NLGN1: variants seen among roughly 807,000 people sequenced by gnomAD.
NLGN1 encodes the protein neuroligin 1.
NLGN1 carries 12 observed loss-of-function variants against 65.5 expected under a neutral mutation model. That is an observed-to-expected ratio of 0.18 (90% CI 0.12 to 0.30). The LOEUF (loss-of-function observed/expected upper bound fraction) is 0.30, where lower values mean the gene tolerates loss of function less well. Among genes scored for constraint, NLGN1 ranks in the 10% least tolerant of loss-of-function variants. The pLI is 1.00. For missense variants in NLGN1, 750 were observed against 1,007.1 expected (o/e 0.74, Z 3.46); for synonymous variants, 350 against 359.5 (o/e 0.97, Z 0.30).
At chr3:173,434,115 G>A (rs1171882842) in intron 1 of NLGN1, among the ~76,000 whole-genome samples, 1 of 152,152 alleles carries the variant, frequency 6.6e-6, no homozygotes, top group Non-Finnish European at 1.5e-5. Flanking sequence ...TAACTAGAAA[G>A]TGGGGGTCAG....
chr3:173,830,026 A>T (rs1722220539), intron 4 of NLGN1, among the ~76,000 whole-genome samples: 1 of 149,994 alleles, frequency 6.7e-6, no homozygotes, highest in Admixed American at 6.6e-5. Context: ...GAGGGAGAGA[A>T]TAAAAAGAAG....
intron 3 of NLGN1, among the ~76,000 whole-genome samples, chr3:173,684,163 T>C (rs529895297): frequency 3.5e-4 from 53 of 152,256 alleles, no homozygotes; most frequent in African/African-American, 1.3e-3. Flanking sequence ...TTTGAAGTGA[T>C]TATTAACTTT....
chr3:173,766,920 A>G (rs2150239123), intron 3 of NLGN1, among the ~76,000 whole-genome samples: 1 of 152,310 alleles, frequency 6.6e-6, no homozygotes, highest in African/African-American at 2.4e-5. Flanking sequence ...CAAAATTTTT[A>G]TCTAGATAAA....
chr3:173,509,689 C>A (rs1732609965), intron 2 of NLGN1, among the ~76,000 whole-genome samples: 1 of 151,940 alleles, frequency 6.6e-6, no homozygotes, highest in African/African-American at 2.4e-5. Context: ...TTTTCACTAG[C>A]AAACAATAAG....
intron 2 of NLGN1, among the ~76,000 whole-genome samples, chr3:173,499,947 T>C (rs1359036885): frequency 6.6e-6 from 1 of 151,590 alleles, no homozygotes; most frequent in Non-Finnish European, 1.5e-5. Flanking sequence ...AGCTTAAGAT[T>C]TTGGGCTGAG....
At chr3:174,020,615 G>T (rs1727565208) in intron 4 of NLGN1, among the ~76,000 whole-genome samples, 2 of 152,002 alleles carry the variant, frequency 1.3e-5, no homozygotes. Context: ...ATTTATAAAG[G>T]ATTAATTTTA....
chr3:174,093,509 G>A (rs1744917831), intron 4 of NLGN1, among the ~76,000 whole-genome samples: 1 of 152,158 alleles, frequency 6.6e-6, no homozygotes, highest in Non-Finnish European at 1.5e-5. Context: ...TAAAACAGTA[G>A]TTTGTCTCTC....
At chr3:173,745,946 A>G (rs1218725748) in intron 3 of NLGN1, among the ~76,000 whole-genome samples, 1 of 152,102 alleles carries the variant, frequency 6.6e-6, no homozygotes, top group Non-Finnish European at 1.5e-5. Context: ...CAAGTGTGTA[A>G]CTGGTTTGCA....
At chr3:173,584,808 G>A (rs1040140089) in intron 2 of NLGN1, 1 of 151,650 alleles carries the variant, frequency 6.6e-6, no homozygotes, top group Non-Finnish European at 1.5e-5. Flanking sequence ...CAAAACTGGG[G>A]TTGCGGATGC....
chr3:174,027,093 G>GA (rs1171933984), intron 4 of NLGN1, among the ~76,000 whole-genome samples: 8 of 150,174 alleles, frequency 5.3e-5, no homozygotes, highest in African/African-American at 1.2e-4. Context: ...AAAGAAATAT[G>GA]AAAAAAAAGC....
intron 4 of NLGN1, among the ~76,000 whole-genome samples, chr3:174,228,436 G>A (rs956862546): frequency 1.3e-5 from 2 of 152,030 alleles, no homozygotes. Context: ...CCAAAGGCAC[G>A]TATTTGCAGA....
At chr3:174,264,044 G>C (rs376170162) in intron 4 of NLGN1, among the ~76,000 whole-genome samples, 3 of 150,232 alleles carry the variant, frequency 2.0e-5, no homozygotes, top group Non-Finnish European at 3.0e-5. Flanking sequence ...GGTTTCTGCC[G>C]AGAGATCCGC....
chr3:174,156,304 G>T (rs531560692), intron 4 of NLGN1, among the ~76,000 whole-genome samples: 1 of 151,928 alleles, frequency 6.6e-6, no homozygotes, highest in African/African-American at 2.4e-5. Flanking sequence ...GTATTTCTCT[G>T]GGAAAGCTAT....
chr3:173,445,899 G>A (rs1336539094), intron 2 of NLGN1, among the ~76,000 whole-genome samples: 1 of 152,084 alleles, frequency 6.6e-6, no homozygotes, highest in Non-Finnish European at 1.5e-5. Flanking sequence ...CCTGATTTGT[G>A]CAATGAGGTT....
intron 3 of NLGN1, among the ~76,000 whole-genome samples, chr3:173,797,225 C>T (rs1451823394): frequency 1.3e-5 from 2 of 152,118 alleles, no homozygotes; most frequent in Non-Finnish European, 2.9e-5. Flanking sequence ...TTCTCAGTGC[C>T]TTTAGGCGTA....
At chr3:173,891,121 C>A (rs1276657570) in intron 4 of NLGN1, among the ~76,000 whole-genome samples, 3 of 152,110 alleles carry the variant, frequency 2.0e-5, no homozygotes, top group Admixed American at 6.6e-5. Context: ...TAGGATAATA[C>A]AAACCACATG....
At chr3:173,918,855 T>C (rs1741353525) in intron 4 of NLGN1, among the ~76,000 whole-genome samples, 1 of 152,080 alleles carries the variant, frequency 6.6e-6, no homozygotes, top group Non-Finnish European at 1.5e-5. Flanking sequence ...CTAAAATCAG[T>C]GTGTCTACAG....
intron 4 of NLGN1, among the ~76,000 whole-genome samples, chr3:173,827,785 G>T (rs1721661506): frequency 6.6e-6 from 1 of 151,960 alleles, no homozygotes; most frequent in Non-Finnish European, 1.5e-5. Context: ...ATGTAGTTCA[G>T]TGTGAGTCTT....
At chr3:174,262,121 T>C (rs1418457263) in intron 4 of NLGN1, among the ~76,000 whole-genome samples, 1 of 79,660 alleles carries the variant, frequency 1.3e-5, no homozygotes, top group Admixed American at 1.1e-4. Flanking sequence ...TCAATGTTCA[T>C]CAAGGATATT....
Sources: gnomAD v4.1 joint callset for allele counts (sites outside exome capture counted in the v4.1 genomes callset) on GRCh38, gnomAD v4.1.1 for gene constraint, MANE v1.5 for transcripts, NCBI Gene and HGNC (gene_info 2026-07-23, HGNC 2026-07-21) for gene names.